Variants in CASK observed in about 807,000 individuals in gnomAD.
CASK encodes peripheral plasma membrane protein CASK.
A neutral mutation model predicts 82.9 loss-of-function variants in CASK; 4 were observed. That is an observed-to-expected ratio of 0.05 (90% CI 0.02 to 0.11). The LOEUF is 0.11. CASK is among the 10% of genes least tolerant of loss of function. The probability of loss-of-function intolerance (pLI) is 1.00; values close to 1 mark genes in which losing one functional copy is unlikely to be tolerated. For synonymous variants in CASK, 259 were observed against 253.5 expected (o/e 1.02, Z -0.20); for missense variants, 358 against 720.9 (o/e 0.50, Z 5.76).
Position 41,622,610 on chromosome X carries a change from T to C in CASK, c.1033+7A>G, listed in dbSNP as rs755111722. On this transcript the variant is annotated splice_region_variant and intron_variant, in intron 11 of 26. Coordinates refer to ENST00000378163, the MANE Select transcript of CASK (RefSeq NM_001367721.1). Reference sequence around the variant, plus strand: ...TACACCTTAAAGGAAAACAAAGGGATACCTACTTTCTGCTGCTAGAAGTCC... The same window carrying C: ...TACACCTTAAAGGAAAACAAAGGGACACCTACTTTCTGCTGCTAGAAGTCC... The C allele has an allele frequency of 8.4e-7, 1 of 1,194,040 alleles. No homozygotes were observed. Among genetic ancestry groups the C allele is most frequent in the Admixed American group, 2.2e-5 (1 of 45,258 alleles).
chrX:41,816,057 G>C (rs373855033), intron 2 of CASK, among the ~76,000 whole-genome samples: 1 of 111,027 alleles, frequency 9.0e-6, no homozygotes, highest in East Asian at 2.8e-4. Context: ...ACAGGGTTTT[G>C]CCATGTTGCC....
intron 4 of CASK, among the ~76,000 whole-genome samples, chrX:41,741,740 G>A (rs2068601192): frequency 1.8e-5 from 2 of 111,779 alleles, no homozygotes; most frequent in South Asian, 3.7e-4. Context: ...ATGATCCTGC[G>A]AGGCAATGCA....
chrX:41,840,745 G>T (rs1290604076), intron 2 of CASK, among the ~76,000 whole-genome samples: 2 of 111,284 alleles, frequency 1.8e-5, no homozygotes, highest in African/African-American at 3.3e-5. Context: ...TCAAGTTGAG[G>T]GTGTTAGATT....
intron 15 of CASK, among the ~76,000 whole-genome samples, chrX:41,578,112 T>C (rs1031849149): frequency 1.8e-5 from 2 of 111,003 alleles, no homozygotes; most frequent in Non-Finnish European, 3.8e-5. Flanking sequence ...TGAAGGGCAA[T>C]TGTGAAAGGA....
intron 1 of CASK, among the ~76,000 whole-genome samples, chrX:41,881,515 T>C (rs1169699108): frequency 1.8e-5 from 2 of 111,161 alleles, no homozygotes; most frequent in African/African-American, 3.3e-5. Flanking sequence ...AAAGGACAGC[T>C]TCTATATTAT....
intron 11 of CASK, among the ~76,000 whole-genome samples, chrX:41,612,449 A>G (rs1158052898): frequency 1.0e-5 from 1 of 97,601 alleles, no homozygotes. Flanking sequence ...AGAAGTGAGG[A>G]GCCCCTCCGC....
chrX:41,782,355 G>T (rs1247191414), intron 3 of CASK, among the ~76,000 whole-genome samples: 1 of 111,921 alleles, frequency 8.9e-6, no homozygotes, highest in Non-Finnish European at 1.9e-5. Context: ...AGTGATTTGG[G>T]TTAACACTGG....
At chrX:41,850,233 T>G (rs1053696324) in intron 2 of CASK, among the ~76,000 whole-genome samples, 1 of 112,254 alleles carries the variant, frequency 8.9e-6, no homozygotes, top group African/African-American at 3.2e-5. Flanking sequence ...ATTGTTTTCC[T>G]AATAAAAACC....
chrX:41,597,320 G>A (rs1020907258), intron 12 of CASK, among the ~76,000 whole-genome samples: 2 of 112,215 alleles, frequency 1.8e-5, no homozygotes, highest in Non-Finnish European at 3.8e-5. Context: ...TAGGCTTGTA[G>A]GGTTGCAAAG....
intron 3 of CASK, among the ~76,000 whole-genome samples, chrX:41,764,172 A>C (rs1212448588): frequency 1.8e-5 from 2 of 111,382 alleles, no homozygotes; most frequent in Non-Finnish European, 3.8e-5. Flanking sequence ...AGAATTACCC[A>C]AACCCTTCAT....
At chrX:41,569,039 A>G (rs1161747818) in intron 16 of CASK, among the ~76,000 whole-genome samples, 1 of 111,708 alleles carries the variant, frequency 9.0e-6, no homozygotes, top group African/African-American at 3.3e-5. Context: ...GTTCTTAGTG[A>G]ATTCTCTCCA....
At chrX:41,739,605 C>G (rs1602550899) in intron 4 of CASK, 149 bp from the exon 5 acceptor site, 1 of 425,798 alleles carries the variant, frequency 2.3e-6, no homozygotes, top group Non-Finnish European at 4.1e-6. Flanking sequence ...TAAAGTGAGG[C>G]TTAATAATGA....
At chrX:41,751,982 G>A (rs1252327469) in intron 3 of CASK, among the ~76,000 whole-genome samples, 16 of 106,798 alleles carry the variant, frequency 1.5e-4, no homozygotes, top group Non-Finnish European at 2.7e-4. Flanking sequence ...GGAGATTGAG[G>A]TTGCAGTGAG....
At chrX:41,593,261 G>A (rs936730136) in intron 12 of CASK, among the ~76,000 whole-genome samples, 1 of 111,210 alleles carries the variant, frequency 9.0e-6, no homozygotes, top group African/African-American at 3.3e-5. Flanking sequence ...ATGTGGCAAA[G>A]AATACACTGT....
chrX:41,882,716 C>T (rs1467423777), intron 1 of CASK, among the ~76,000 whole-genome samples: 1 of 111,242 alleles, frequency 9.0e-6, no homozygotes, highest in Non-Finnish European at 1.9e-5. Context: ...CACTTGGTGG[C>T]TGAAATAGGA....
chrX:41,553,646 A>G (rs761615114), intron 21 of CASK, 73 bp downstream of exon 21: 54 of 809,192 alleles, frequency 6.7e-5, no homozygotes, highest in Non-Finnish European at 9.1e-5. Flanking sequence ...CTAAAATAAT[A>G]TAAAATTGGA....
rs1197819725 is a variant in CASK, at chrX:41,680,915, C to CA, written c.430-9386dup. On this transcript the variant is annotated intron_variant, in intron 5 of 26. Coordinates refer to ENST00000378163, the MANE Select transcript of CASK (RefSeq NM_001367721.1). Reference sequence around the variant, plus strand: ...GGGCAACAAGAGCGAAACTCGGTCTCAAAAAAAAAAAATAAATAAATAAAC... The same window carrying CA: ...GGGCAACAAGAGCGAAACTCGGTCTCAAAAAAAAAAAAATAAATAAATAAAC... Among the ~76,000 whole-genome samples, 185 of 102,020 alleles carry CA rather than the reference C, an allele frequency of 1.8e-3. No homozygotes were observed. In the South Asian group the frequency reaches 0.019, roughly 10 times the overall value. 88.6% of individuals were successfully genotyped at this position (102,020 alleles called of 115,157 possible).
chrX:41,552,210 T>C (rs2065110020), intron 21 of CASK, among the ~76,000 whole-genome samples: 1 of 110,161 alleles, frequency 9.1e-6, no homozygotes, highest in South Asian at 4.0e-4. Context: ...GTGCTAGGAT[T>C]ACAGGTGTGA....
At chrX:41,555,540 T>C in intron 20 of CASK, 60 bp downstream of exon 20, 1 of 884,894 alleles carries the variant, frequency 1.1e-6, no homozygotes, top group Non-Finnish European at 1.7e-6. Flanking sequence ...AAAGGGTTAA[T>C]AAAGGATTGG....
Sources: allele counts gnomAD v4.1 joint callset (sites outside exome capture counted in the v4.1 genomes callset), GRCh38; gene constraint gnomAD v4.1.1; transcripts MANE v1.5; gene names NCBI Gene and HGNC (gene_info 2026-07-23, HGNC 2026-07-21).